Variants in OSBPL10 observed in about 807,000 individuals in gnomAD.
OSBPL10 encodes the protein oxysterol-binding protein-related protein 10.
Under a neutral mutation model 81.7 loss-of-function variants are expected in OSBPL10, and 49 were observed. The ratio of observed to expected loss-of-function variants is 0.60; its 90% CI spans 0.48 to 0.76. The LOEUF is 0.76. Ranked by LOEUF, OSBPL10 falls within the 30% of genes least tolerant of loss-of-function variation. OSBPL10 has a pLI of 0.00. For missense variants in OSBPL10, 923 were observed against 987.8 expected (o/e 0.93, Z 0.88); for synonymous variants, 419 against 383.6 (o/e 1.09, Z -1.08).
At chr3:31,852,600 C>T (rs780694051) in intron 3 of OSBPL10, among the ~76,000 whole-genome samples, 3 of 147,140 alleles carry the variant, frequency 2.0e-5, no homozygotes, top group African/African-American at 7.5e-5. Context: ...TGTTTTGAGA[C>T]AGGGTTTCGC....
intron 11 of OSBPL10, chr3:31,663,466 C>G: frequency 1.0e-6 from 1 of 989,284 alleles, no homozygotes; most frequent in Non-Finnish European, 1.2e-6. Flanking sequence ...TCCACAACTT[C>G]AAGAGCATAA....
intron 4 of OSBPL10, 129 bp from the exon 5 acceptor site, chr3:31,748,249 C>A: frequency 1.3e-6 from 1 of 793,122 alleles, no homozygotes; most frequent in Non-Finnish European, 2.0e-6. Flanking sequence ...GGTGCACATT[C>A]GTCTTTTGAT....
chr3:32,062,526 T>C (rs1180105776), intron 1 of OSBPL10, among the ~76,000 whole-genome samples: 1 of 94,978 alleles, frequency 1.1e-5, no homozygotes, highest in East Asian at 2.4e-4. Context: ...TGATGTTTGT[T>C]TAATATAAGC....
chr3:31,748,911 T>C (rs1327696682), intron 4 of OSBPL10, among the ~76,000 whole-genome samples: 1 of 152,198 alleles, frequency 6.6e-6, no homozygotes. Context: ...CTTGTGAAGT[T>C]CATCCTCCTC....
chr3:31,675,564 C>A (rs993438773), intron 8 of OSBPL10, among the ~76,000 whole-genome samples: 2 of 152,202 alleles, frequency 1.3e-5, no homozygotes, highest in African/African-American at 4.8e-5. Context: ...GCATGGCACA[C>A]TGCCAAAATC....
intron 2 of OSBPL10, among the ~76,000 whole-genome samples, chr3:32,043,367 C>A (rs948263343): frequency 5.9e-5 from 9 of 152,090 alleles, no homozygotes; most frequent in Admixed American, 5.2e-4. Flanking sequence ...ATTTTCTGTT[C>A]TTTTTCAAGG....
chr3:31,933,692 G>A lies in OSBPL10; in HGVS notation c.281+47207C>T, dbSNP rs1376268522. ...CCCAAAGTGCCGGGATTACAGGATT[G>A]AGCCAGGGCACCCAGCCTCTAAAAT... is the stretch of plus-strand genomic sequence containing the variant. On this transcript the variant is annotated intron_variant, in intron 1 of 11. Transcript: ENST00000396556. 2.6e-5 allele frequency among the ~76,000 whole-genome samples: 4 copies of A among 152,184 alleles called. No homozygotes were observed. The East Asian group carries it at 5.8e-4, about 22-fold the overall frequency.
rs547140256 is a variant in OSBPL10, at chr3:31,789,303, C to T, written c.729+40737G>A. Among the ~76,000 whole-genome samples the T allele has an allele frequency of 3.3e-5, 5 of 152,210 alleles. No homozygotes were observed. In the South Asian group the frequency reaches 1.0e-3, roughly 32 times the overall value. On this transcript the variant is annotated intron_variant, in intron 4 of 11. Transcript: ENST00000396556. Reference sequence around the variant, plus strand: ...GATTCTGTGGTCTGAAAACTCTTCACGCACAGATTCAATGAAAGGCACTCT... The same window carrying T: ...GATTCTGTGGTCTGAAAACTCTTCATGCACAGATTCAATGAAAGGCACTCT...
At chr3:31,866,552 T>C (rs1202286061) in intron 3 of OSBPL10, among the ~76,000 whole-genome samples, 1 of 152,194 alleles carries the variant, frequency 6.6e-6, no homozygotes. Context: ...TTTCTCACTG[T>C]CCAATGCTCT....
intron 2 of OSBPL10, among the ~76,000 whole-genome samples, chr3:31,991,816 T>C (rs1699033977): frequency 1.3e-5 from 2 of 151,698 alleles, no homozygotes; most frequent in African/African-American, 4.8e-5. Context: ...CAACTTTTCA[T>C]ATCCTGAAGA....
chr3:32,055,038 G>A (rs374482556), intron 1 of OSBPL10, among the ~76,000 whole-genome samples: 53 of 152,226 alleles, frequency 3.5e-4, no homozygotes, highest in African/African-American at 1.3e-3. Flanking sequence ...CTCATGAAGA[G>A]CTGAAATGTT....
chr3:31,790,105 A>G (rs1159938474), intron 4 of OSBPL10, among the ~76,000 whole-genome samples: 1 of 152,236 alleles, frequency 6.6e-6, no homozygotes, highest in Non-Finnish European at 1.5e-5. Context: ...TAAGCAAAAC[A>G]ATTACCAAAA....
intron 11 of OSBPL10, chr3:31,663,128 A>G: frequency 3.0e-6 from 3 of 985,446 alleles, no homozygotes; most frequent in African/African-American, 1.7e-5. Context: ...TATAGACAGA[A>G]TAATCCCTCT....
chr3:31,841,650 C>A (rs919065238), intron 3 of OSBPL10, among the ~76,000 whole-genome samples: 2 of 152,180 alleles, frequency 1.3e-5, no homozygotes, highest in Non-Finnish European at 2.9e-5. Flanking sequence ...GATGTCCCAC[C>A]ACATTTCTTC....
At chr3:31,773,789 T>C (rs1031238083) in intron 4 of OSBPL10, among the ~76,000 whole-genome samples, 6 of 152,228 alleles carry the variant, frequency 3.9e-5, no homozygotes, top group Non-Finnish European at 7.3e-5. Flanking sequence ...GAGACTCGAG[T>C]GCAGTGCACA....
chr3:31,938,333 A>G (rs1220571179), intron 1 of OSBPL10, among the ~76,000 whole-genome samples: 1 of 152,050 alleles, frequency 6.6e-6, no homozygotes, highest in Non-Finnish European at 1.5e-5. Context: ...AGATCCTTCT[A>G]CCTATCACCT....
intron 4 of OSBPL10, among the ~76,000 whole-genome samples, chr3:31,798,899 A>G (rs1226397940): frequency 6.6e-6 from 1 of 152,210 alleles, no homozygotes; most frequent in African/African-American, 2.4e-5. Flanking sequence ...ATTAAGGAGC[A>G]TGCAACCTAG....
intron 1 of OSBPL10, among the ~76,000 whole-genome samples, chr3:31,926,863 C>G (rs964318562): frequency 1.3e-5 from 2 of 152,066 alleles, no homozygotes; most frequent in Non-Finnish European, 2.9e-5. Flanking sequence ...TAATCCCAAC[C>G]CTTTGAGAGG....
intron 1 of OSBPL10, among the ~76,000 whole-genome samples, chr3:31,938,002 C>T (rs1161749815): frequency 6.6e-6 from 1 of 152,124 alleles, no homozygotes; most frequent in Non-Finnish European, 1.5e-5. Flanking sequence ...TTACTGTCTT[C>T]CTCCCAAAGA....
Sources: allele counts gnomAD v4.1 joint callset (sites outside exome capture counted in the v4.1 genomes callset), GRCh38; gene constraint gnomAD v4.1.1; transcripts MANE v1.5; gene names NCBI Gene and HGNC (gene_info 2026-07-23, HGNC 2026-07-21).